TSHZ2: variants seen among roughly 807,000 people sequenced by gnomAD.
TSHZ2 encodes teashirt homolog 2.
A neutral mutation model predicts 74.4 loss-of-function variants in TSHZ2; 21 were observed. The observed-to-expected ratio is 0.28, with a 90% confidence interval of 0.20 to 0.41. The LOEUF (loss-of-function observed/expected upper bound fraction) is 0.41, where lower values mean the gene tolerates loss of function less well. Among genes scored for constraint, TSHZ2 ranks in the 10% least tolerant of loss-of-function variants. TSHZ2 has a pLI of 1.00. For missense variants in TSHZ2, 1,244 were observed against 1,293.5 expected (o/e 0.96, Z 0.59); for synonymous variants, 540 against 515.3 (o/e 1.05, Z -0.65).
At chr20:53,118,988 C>G (rs948129132) in intron 1 of TSHZ2, among the ~76,000 whole-genome samples, 2 of 152,018 alleles carry the variant, frequency 1.3e-5, no homozygotes, top group East Asian at 3.9e-4. Context: ...GTGCTGCACA[C>G]TTTTAAATAA....
At chr20:53,246,422 G>A (rs1311947498) in intron 1 of TSHZ2, among the ~76,000 whole-genome samples, 1 of 152,150 alleles carries the variant, frequency 6.6e-6, no homozygotes, top group Non-Finnish European at 1.5e-5. Context: ...CAGTCTAGCT[G>A]AGTATACATG....
chr20:53,452,344 A>G (rs1191047560), intron 2 of TSHZ2, among the ~76,000 whole-genome samples: 1 of 152,236 alleles, frequency 6.6e-6, no homozygotes, highest in Non-Finnish European at 1.5e-5. Context: ...TCACGCCTGT[A>G]GTCCCAGCAC....
At chr20:53,213,581 GAGAA>G (rs1173074141) in intron 1 of TSHZ2, among the ~76,000 whole-genome samples, 3 of 152,120 alleles carry the variant, frequency 2.0e-5, no homozygotes, top group Non-Finnish European at 2.9e-5. Flanking sequence ...GACAGAGAGA[GAGAA>G]AGAGAGAGAG....
chr20:53,113,713 C>T (rs1936958), intron 1 of TSHZ2, among the ~76,000 whole-genome samples: 10,558 of 152,206 alleles, frequency 0.069, 846 homozygotes, highest in East Asian at 0.37. Flanking sequence ...AATAACAAAA[C>T]TTGGCAGTCC....
At chr20:53,275,552 C>T (rs1317681127) in intron 2 of TSHZ2, among the ~76,000 whole-genome samples, 1 of 152,052 alleles carries the variant, frequency 6.6e-6, no homozygotes, top group African/African-American at 2.4e-5. Context: ...AGCACAAGCC[C>T]CCTGTGTGCT....
intron 1 of TSHZ2, among the ~76,000 whole-genome samples, chr20:53,067,066 G>A (rs377481429): frequency 1.1e-4 from 17 of 152,344 alleles, no homozygotes; most frequent in African/African-American, 2.2e-4. Flanking sequence ...ATAGTAGAGC[G>A]TGATTCTGCC....
At chr20:53,123,529 A>G (rs1293174199) in intron 1 of TSHZ2, among the ~76,000 whole-genome samples, 1 of 152,068 alleles carries the variant, frequency 6.6e-6, no homozygotes, top group Admixed American at 6.5e-5. Flanking sequence ...TAACCTAGGC[A>G]TTTTCTTCTT....
At chr20:53,021,198 T>C (rs757515367) in intron 1 of TSHZ2, among the ~76,000 whole-genome samples, 2 of 152,220 alleles carry the variant, frequency 1.3e-5, no homozygotes, top group Non-Finnish European at 2.9e-5. Context: ...GGGAAAATGG[T>C]TTTAGGACAA....
At chr20:53,184,755 C>T (rs1988561933) in intron 1 of TSHZ2, among the ~76,000 whole-genome samples, 1 of 152,184 alleles carries the variant, frequency 6.6e-6, no homozygotes, top group African/African-American at 2.4e-5. Flanking sequence ...GTTGCCCAGG[C>T]TGGAGTGCAG....
At chr20:53,069,996 C>G (rs1014286878) in intron 1 of TSHZ2, among the ~76,000 whole-genome samples, 4 of 152,084 alleles carry the variant, frequency 2.6e-5, no homozygotes, top group Admixed American at 2.6e-4. Context: ...TAGTATGCAC[C>G]TCTGAGCCAG....
At chr20:53,451,286 C>A (rs924237744) in intron 2 of TSHZ2, among the ~76,000 whole-genome samples, 5 of 152,206 alleles carry the variant, frequency 3.3e-5, no homozygotes, top group Non-Finnish European at 7.3e-5. Flanking sequence ...ACTCATGCAA[C>A]AGAGAATAAA....
chr20:53,372,525 GA>G (rs1352068749), intron 2 of TSHZ2, among the ~76,000 whole-genome samples: 2 of 151,868 alleles, frequency 1.3e-5, no homozygotes, highest in African/African-American at 2.4e-5. Flanking sequence ...GGAAGGAAGG[GA>G]GGGAGGAAGG....
At chr20:53,183,017 G>A (rs889465174) in intron 1 of TSHZ2, among the ~76,000 whole-genome samples, 2 of 152,100 alleles carry the variant, frequency 1.3e-5, no homozygotes, top group African/African-American at 4.8e-5. Context: ...CCTTGAACTT[G>A]GTGTACTGAG....
At chr20:53,115,162 T>C (rs1324191001) in intron 1 of TSHZ2, among the ~76,000 whole-genome samples, 2 of 152,192 alleles carry the variant, frequency 1.3e-5, no homozygotes, top group Admixed American at 6.5e-5. Context: ...TACAAAGTTT[T>C]TCCCCTTGTG....
At chr20:53,109,158 C>T (rs926529912) in intron 1 of TSHZ2, among the ~76,000 whole-genome samples, 1 of 152,152 alleles carries the variant, frequency 6.6e-6, no homozygotes, top group Admixed American at 6.5e-5. Flanking sequence ...CAAAAATACA[C>T]TTCCGTACTT....
intron 1 of TSHZ2, among the ~76,000 whole-genome samples, chr20:53,171,949 C>T (rs1387353661): frequency 6.6e-6 from 1 of 152,022 alleles, no homozygotes; most frequent in Non-Finnish European, 1.5e-5. Flanking sequence ...ATAAGTCATC[C>T]TGCCTCATAT....
chr20:53,256,534 C>T lies in TSHZ2; in HGVS notation c.3076C>T (p.Gln1026Ter), dbSNP rs1259884921. 1.3e-6 allele frequency: 2 copies of T among 1,598,404 alleles called. No individual in the cohort carries two copies. The highest frequency in any genetic ancestry group is 1.7e-6 in the Non-Finnish European group (2 of 1,169,488). ...THSKSPEHHSQFVTDVDEE is the reference protein window; with the variant it reads ...THSKSPEHHS ...CAGCAAGTCACCCGAACACCATTCA[C>T]AGTTTGTAACAGACGTGGATGAAGA... Residue 1026 changes from glutamine (Q) to a stop codon, truncating the protein, a stop_gained, in exon 2 of 3, where the codon CAG becomes TAG. Coordinates refer to ENST00000371497, the MANE Select transcript of TSHZ2 (RefSeq NM_173485.6). LOFTEE classifies it high-confidence loss of function. This position sits in a 1 kb window ranked among gnomAD's most constrained non-coding sequence, Gnocchi z 4.3.
In TSHZ2 at chr20:53,068,202, G is replaced by C. The variant is rs368712906; in HGVS notation, c.40+94869G>C. On this transcript the variant is annotated intron_variant, in intron 1 of 2. Coordinates refer to ENST00000371497, the MANE Select transcript of TSHZ2 (RefSeq NM_173485.6). ...TCATATTCACGGGTACCAGGGGTTA[G>C]AACTTCAACTTTTCTTTTCAGGGGA... is the stretch of plus-strand genomic sequence containing the variant. Among the ~76,000 whole-genome samples the C allele has an allele frequency of 1.1e-3, 173 of 152,286 alleles. No individual in the cohort carries two copies. In the Middle Eastern group the frequency reaches 0.017, roughly 15 times the overall value.
chr20:52,979,212 A>G (rs1981470444), intron 1 of TSHZ2, among the ~76,000 whole-genome samples: 1 of 151,564 alleles, frequency 6.6e-6, no homozygotes, highest in African/African-American at 2.4e-5. Context: ...CTGACCTTTC[A>G]TTCACTTGTT....
Sources: allele counts gnomAD v4.1 joint callset (sites outside exome capture counted in the v4.1 genomes callset), GRCh38; gene constraint gnomAD v4.1.1; non-coding constraint Gnocchi (gnomAD v3.1); transcripts MANE v1.5; gene names NCBI Gene and HGNC (gene_info 2026-07-23, HGNC 2026-07-21).